Variants in NEK1 observed in about 807,000 individuals in gnomAD.
NEK1 encodes serine/threonine-protein kinase Nek1.
A neutral mutation model predicts 182.1 loss-of-function variants in NEK1; 137 were observed. That is an observed-to-expected ratio of 0.75 (90% CI 0.65 to 0.87). The LOEUF (loss-of-function observed/expected upper bound fraction) is 0.87, where lower values mean the gene tolerates loss of function less well. Ranked by LOEUF, NEK1 falls within the 40% of genes least tolerant of loss-of-function variation. The pLI is 0.00. For synonymous variants in NEK1, 513 were observed against 492.2 expected (o/e 1.04, Z -0.56); for missense variants, 1,391 against 1,494.4 (o/e 0.93, Z 1.14).
chr4:169,590,765 T>C lies in NEK1; in HGVS notation c.357A>G (p.Val119=). 7 of 1,599,840 alleles carry C rather than the reference T, an allele frequency of 4.4e-6. No homozygotes were observed. Among genetic ancestry groups the C allele is most frequent in the Non-Finnish European group, 6.0e-6 (7 of 1,172,454 alleles). Residue 119 remains valine (V), a synonymous_variant, in exon 6 of 36, where the codon GTA becomes GTG. Coordinates refer to ENST00000507142, the MANE Select transcript of NEK1 (RefSeq NM_001199397.3). ...CTCGATGAAGAATTTTTCTATCATG[T>C]ACATGTTTCAGGGCCAAACATATCT... The part of the protein sequence containing the change: ...FVQICLALKH[V]HDRKILHRDI...
chr4:169,515,524 T>A (rs1755054575), intron 19 of NEK1, among the ~76,000 whole-genome samples: 1 of 149,846 alleles, frequency 6.7e-6, no homozygotes, highest in South Asian at 2.2e-4. Context: ...TATTATACTC[T>A]AAGTTTTAGG....
At chr4:169,600,903 G>A (rs1222263603) in intron 4 of NEK1, among the ~76,000 whole-genome samples, 3 of 152,114 alleles carry the variant, frequency 2.0e-5, no homozygotes, top group Non-Finnish European at 4.4e-5. Context: ...TCTATGTGAA[G>A]CAGTCAATAT....
intron 23 of NEK1, among the ~76,000 whole-genome samples, chr4:169,497,819 T>C (rs1751638400): frequency 6.6e-6 from 1 of 152,194 alleles, no homozygotes; most frequent in Admixed American, 6.5e-5. Flanking sequence ...AGTGCTTTAC[T>C]TCCAACTATG....
In NEK1 at chr4:169,541,655, T is replaced by G. The variant is rs75598395; in HGVS notation, c.1563-3744A>C. Among the ~76,000 whole-genome samples the G allele has an allele frequency of 6.8e-3, 1,032 of 152,268 alleles. 11 individuals are homozygous for G. Among genetic ancestry groups the G allele is most frequent in the African/African-American group, 0.024 (998 of 41,560 alleles). On this transcript the variant is annotated intron_variant, in intron 18 of 35. Coordinates refer to ENST00000507142, the MANE Select transcript of NEK1 (RefSeq NM_001199397.3). The stretch of plus-strand genomic sequence containing the variant: ...TACAAATTATAATAATCAGAAATTG[T>G]GACAGCGTGCAGAGAAAATGTCCTA...
At chr4:169,439,296 C>T (rs1193517976) in intron 27 of NEK1, among the ~76,000 whole-genome samples, 2 of 152,202 alleles carry the variant, frequency 1.3e-5, no homozygotes, top group African/African-American at 2.4e-5. Flanking sequence ...TTTGTGTTGG[C>T]TGCAGTCCTT....
chr4:169,445,865 TACACAC>T (rs201151434), intron 27 of NEK1, among the ~76,000 whole-genome samples: 9 of 143,220 alleles, frequency 6.3e-5, no homozygotes, highest in Non-Finnish European at 1.3e-4. Flanking sequence ...TATATATATA[TACACAC>T]ACACACACAC....
At chr4:169,595,603 T>C (rs1769303322) in intron 5 of NEK1, among the ~76,000 whole-genome samples, 1 of 152,088 alleles carries the variant, frequency 6.6e-6, no homozygotes, top group Non-Finnish European at 1.5e-5. Flanking sequence ...ATGTAATCAG[T>C]TATGACAAAC....
At chr4:169,477,688 A>G (rs1034002391) in intron 24 of NEK1, among the ~76,000 whole-genome samples, 191 bp from the exon 25 acceptor site, 3 of 152,012 alleles carry the variant, frequency 2.0e-5, no homozygotes, top group African/African-American at 7.2e-5. Context: ...TTAATTAGAC[A>G]ACATAGACAG....
chr4:169,486,020 T>C (rs1748977408), intron 23 of NEK1, among the ~76,000 whole-genome samples: 1 of 152,080 alleles, frequency 6.6e-6, no homozygotes. Context: ...CACTCCAGCC[T>C]GAGTGACAGA....
chr4:169,465,441 T>C (rs1461038860), intron 26 of NEK1, among the ~76,000 whole-genome samples: 1 of 152,006 alleles, frequency 6.6e-6, no homozygotes, highest in Non-Finnish European at 1.5e-5. Flanking sequence ...GGCTAGTGTT[T>C]GCAAGATAGG....
intron 18 of NEK1, among the ~76,000 whole-genome samples, chr4:169,544,582 G>T (rs186978324): frequency 1.4e-5 from 2 of 143,642 alleles, no homozygotes; most frequent in East Asian, 2.1e-4. Context: ...ATTCGGCTGT[G>T]AATCTGTCTG....
intron 32 of NEK1, among the ~76,000 whole-genome samples, chr4:169,402,926 T>C (rs1731934611): frequency 6.6e-6 from 1 of 152,178 alleles, no homozygotes; most frequent in South Asian, 2.1e-4. Context: ...TCTGAAGACT[T>C]CTAAAAGAGA....
intron 19 of NEK1, among the ~76,000 whole-genome samples, chr4:169,525,742 C>A (rs1441876285): frequency 1.3e-5 from 2 of 152,168 alleles, no homozygotes; most frequent in Non-Finnish European, 2.9e-5. Flanking sequence ...AAAATATCTG[C>A]CTGCCCCCAC....
chr4:169,556,738 T>TA (rs59615019), intron 16 of NEK1, among the ~76,000 whole-genome samples: 2,044 of 116,078 alleles, frequency 0.018, 37 homozygotes, highest in African/African-American at 0.045. Context: ...CACAAAACAG[T>TA]AAAAAAAAAA....
intron 4 of NEK1, among the ~76,000 whole-genome samples, 152 bp from the exon 5 acceptor site, chr4:169,599,349 G>A (rs1013150006): frequency 3.9e-5 from 6 of 152,072 alleles, no homozygotes; most frequent in African/African-American, 9.7e-5. Flanking sequence ...AAGGTATACC[G>A]GTCACAAAGA....
intron 27 of NEK1, among the ~76,000 whole-genome samples, chr4:169,448,229 G>GA (rs535492944): frequency 5.1e-4 from 75 of 147,834 alleles, no homozygotes; most frequent in Admixed American, 2.0e-3. Context: ...CCTGTCTCAA[G>GA]AAAAAAAAAA....
At chr4:169,482,435 G>C (rs2149571555) in intron 23 of NEK1, among the ~76,000 whole-genome samples, 1 of 151,628 alleles carries the variant, frequency 6.6e-6, no homozygotes, top group South Asian at 2.1e-4. Flanking sequence ...TGGGACTATA[G>C]GTGTGTGCCA....
At chr4:169,556,410 C>T (rs1762170378) in intron 16 of NEK1, among the ~76,000 whole-genome samples, 1 of 152,074 alleles carries the variant, frequency 6.6e-6, no homozygotes, top group Non-Finnish European at 1.5e-5. Flanking sequence ...TTCCAATATA[C>T]ATTTCATGTA....
intron 26 of NEK1, among the ~76,000 whole-genome samples, chr4:169,466,750 C>G (rs1009140436): frequency 2.6e-5 from 4 of 151,934 alleles, no homozygotes; most frequent in African/African-American, 7.2e-5. Flanking sequence ...TAGATATCTT[C>G]TACACAAAAG....
Sources: allele counts gnomAD v4.1 joint callset (sites outside exome capture counted in the v4.1 genomes callset), GRCh38; gene constraint gnomAD v4.1.1; transcripts MANE v1.5; gene names NCBI Gene and HGNC (gene_info 2026-07-23, HGNC 2026-07-21).